Variants in DIP2C observed in about 807,000 individuals in gnomAD.
DIP2C encodes disco-interacting protein 2 homolog C.
Under a neutral mutation model 192.4 loss-of-function variants are expected in DIP2C, and 33 were observed. That is an observed-to-expected ratio of 0.17 (90% CI 0.13 to 0.23). The LOEUF is 0.23. DIP2C is among the 10% of genes least tolerant of loss of function. DIP2C has a pLI of 1.00. For synonymous variants in DIP2C, 979 were observed against 864.1 expected, an observed-to-expected ratio of 1.13 and a Z score of -2.33; for missense variants, 1,537 against 2,110.1, an observed-to-expected ratio of 0.73 and a Z score of 5.32.
intron 28 of DIP2C, 31 bp from the exon 29 acceptor site, chr10:341,360 C>G (rs111774546): frequency 5.1e-5 from 82 of 1,611,950 alleles, no homozygotes; most frequent in Non-Finnish European, 6.7e-5. Context: ...TTAAACGCAT[C>G]GGACCTGACA....
intron 1 of DIP2C, among the ~76,000 whole-genome samples, chr10:501,990 AAATT>A (rs1308508613): frequency 1.5e-4 from 23 of 152,042 alleles, no homozygotes; most frequent in African/African-American, 3.6e-4. Context: ...ACAAAAAACA[AAATT>A]AATTAATTGG....
At chr10:361,674 G>A (rs1402280307) in intron 22 of DIP2C, among the ~76,000 whole-genome samples, 2 of 152,238 alleles carry the variant, frequency 1.3e-5, no homozygotes, top group South Asian at 2.1e-4. Context: ...CCTGGAGAGC[G>A]CTGACACCAT....
chr10:337,578 CTGA>C (rs1957902087), intron 29 of DIP2C, among the ~76,000 whole-genome samples: 1 of 115,822 alleles, frequency 8.6e-6, no homozygotes, highest in Non-Finnish European at 1.7e-5. Flanking sequence ...GAGGCCTAGG[CTGA>C]TGTGTGTGTG....
intron 2 of DIP2C, among the ~76,000 whole-genome samples, chr10:477,756 AG>A (rs1564762413): frequency 1.1e-4 from 11 of 101,350 alleles, no homozygotes; most frequent in African/African-American, 3.2e-4. Flanking sequence ...AAAGAAAAGG[AG>A]AGAGAAGAAA....
chr10:486,944 A>G (rs57478325), intron 1 of DIP2C, among the ~76,000 whole-genome samples: 1 of 152,342 alleles, frequency 6.6e-6, no homozygotes, highest in African/African-American at 2.4e-5. Context: ...CTTCATTAAC[A>G]AGATGTTTTC....
At chr10:374,280 C>T (rs913955837) in intron 17 of DIP2C, among the ~76,000 whole-genome samples, 8 of 152,190 alleles carry the variant, frequency 5.3e-5, no homozygotes, top group Non-Finnish European at 1.2e-4. Flanking sequence ...TCACAAAGCA[C>T]ATATACTTAA....
chr10:631,258 C>A (rs935489974), intron 1 of DIP2C: 3 of 152,222 alleles, frequency 2.0e-5, no homozygotes, highest in African/African-American at 7.2e-5. Flanking sequence ...CAAAGCACCA[C>A]GTGCCTTGGT....
intron 5 of DIP2C, among the ~76,000 whole-genome samples, chr10:422,210 A>T (rs1295722662): frequency 2.5e-4 from 38 of 152,188 alleles, no homozygotes; most frequent in Non-Finnish European, 1.5e-5. Flanking sequence ...GATGAAAAAC[A>T]TTTACTACTG....
chr10:368,400 G>A (rs1255331514), intron 18 of DIP2C, among the ~76,000 whole-genome samples: 1 of 152,218 alleles, frequency 6.6e-6, no homozygotes, highest in African/African-American at 2.4e-5. Context: ...GAGCCAGGGG[G>A]GCCTGGCCAC....
At chr10:377,709 G>A (rs936665684) in intron 17 of DIP2C, among the ~76,000 whole-genome samples, 1 of 152,196 alleles carries the variant, frequency 6.6e-6, no homozygotes, top group African/African-American at 2.4e-5. Context: ...TCAGCACCCA[G>A]TGGGCATCAG....
At chr10:614,908 T>C (rs376038960) in intron 1 of DIP2C, among the ~76,000 whole-genome samples, 179 of 152,276 alleles carry the variant, frequency 1.2e-3, no homozygotes, top group African/African-American at 3.9e-3. Flanking sequence ...GGGTTGGCCC[T>C]GACACAAGCG....
intron 1 of DIP2C, among the ~76,000 whole-genome samples, chr10:542,096 A>T (rs1807645245): frequency 6.6e-6 from 1 of 152,154 alleles, no homozygotes; most frequent in Admixed American, 6.5e-5. Context: ...AAGTCCCAGA[A>T]GACCCCTCAC....
rs12257377 is a variant in DIP2C, at chr10:353,296, G to A, written c.2985+3130C>T. Reference sequence around the variant, plus strand: ...ACAACTTGGGGGAAAAAAAACCCAAGAAGAAAAAGCCAAACTAAATTTATA... The same window carrying A: ...ACAACTTGGGGGAAAAAAAACCCAAAAAGAAAAAGCCAAACTAAATTTATA... On this transcript the variant is annotated intron_variant, in intron 24 of 36. Transcript: ENST00000280886. Among the ~76,000 whole-genome samples the A allele has an allele frequency of 9.6e-3, 1,462 of 152,214 alleles. 27 individuals carry two copies. Among genetic ancestry groups the A allele is most frequent in the African/African-American group, 0.032 (1,344 of 41,530 alleles).
chr10:600,135 C>T (rs1005646031), intron 1 of DIP2C, among the ~76,000 whole-genome samples: 1 of 152,182 alleles, frequency 6.6e-6, no homozygotes, highest in Non-Finnish European at 1.5e-5. Flanking sequence ...CCCTGTAGTA[C>T]AAGGCACAGA....
At position 366,401 on chromosome 10, in the gene DIP2C, A is replaced by G. The variant is rs763528821; in HGVS notation, c.2142T>C (p.Cys714=). 1 of 1,614,074 alleles carries G rather than the reference A, an allele frequency of 6.2e-7. No homozygotes were observed. Among genetic ancestry groups the G allele is most frequent in the African/African-American group, 1.3e-5 (1 of 74,918 alleles). Residue 714 remains cysteine, a synonymous_variant, in exon 19 of 37, where the codon TGT becomes TGC. Coordinates refer to ENST00000280886, the MANE Select transcript of DIP2C (RefSeq NM_014974.3). The stretch of plus-strand genomic sequence containing the variant: ...GAGGAACCCCGTCTGGCTTCACTGA[A>G]CACATGATGGCTAAAAGCAAACAGG... The part of the protein sequence containing the change: ...VGLVMPGAIM[C]SVKPDGVPQL...
intron 3 of DIP2C, among the ~76,000 whole-genome samples, chr10:459,892 C>T (rs148127120): frequency 2.8e-5 from 4 of 143,766 alleles, no homozygotes; most frequent in African/African-American, 5.7e-5. Context: ...ACCTGCTGCA[C>T]GTGAGCTCTA....
chr10:554,074 T>C (rs895236059), intron 1 of DIP2C, among the ~76,000 whole-genome samples: 11 of 151,300 alleles, frequency 7.3e-5, no homozygotes, highest in Non-Finnish European at 1.5e-4. Flanking sequence ...ATATACATCA[T>C]AGGAGAAAAG....
At chr10:420,327 G>A (rs988736809) in intron 5 of DIP2C, among the ~76,000 whole-genome samples, 6 of 152,238 alleles carry the variant, frequency 3.9e-5, no homozygotes, top group Non-Finnish European at 1.5e-5. Context: ...GCCTGGACAC[G>A]GCGTCGGCCC....
intron 1 of DIP2C, among the ~76,000 whole-genome samples, chr10:638,254 T>C (rs1223139440): frequency 1.3e-5 from 2 of 152,228 alleles, no homozygotes; most frequent in African/African-American, 4.8e-5. Context: ...TAAAAACATA[T>C]ATGAACAGTA....
Sources: allele counts gnomAD v4.1 joint callset (sites outside exome capture counted in the v4.1 genomes callset), GRCh38; gene constraint gnomAD v4.1.1; transcripts MANE v1.5; gene names NCBI Gene and HGNC (gene_info 2026-07-23, HGNC 2026-07-21).